The following LRCH3 variants were observed in gnomAD, a reference collection of about 807,000 sequenced individuals.
The protein encoded by LRCH3 is leucine rich repeats and calponin homology domain containing 3.
In LRCH3, 68 loss-of-function variants were observed where a neutral mutation model predicts 104.5. That is an observed-to-expected ratio of 0.65 (90% CI 0.54 to 0.80). The LOEUF (loss-of-function observed/expected upper bound fraction) is 0.80, where lower values mean the gene tolerates loss of function less well. Among genes scored for constraint, LRCH3 ranks in the 30% least tolerant of loss-of-function variants. The probability of loss-of-function intolerance (pLI) is 0.00; values close to 1 mark genes in which losing one functional copy is unlikely to be tolerated. For missense variants in LRCH3, 951 were observed against 953.9 expected (o/e 1.00, Z 0.04); for synonymous variants, 344 against 361.3 (o/e 0.95, Z 0.54).
At chr3:197,841,325 T>A (rs975090435) in intron 10 of LRCH3, among the ~76,000 whole-genome samples, 9 of 152,322 alleles carry the variant, frequency 5.9e-5, no homozygotes, top group African/African-American at 2.2e-4. Context: ...TCTTGGTGTT[T>A]AGAGCCCACT....
At chr3:197,823,450 A>G (rs957059975) in intron 4 of LRCH3, 1 of 150,860 alleles carries the variant, frequency 6.6e-6, no homozygotes, top group Admixed American at 6.6e-5. Flanking sequence ...CTGCACACCA[A>G]TTTCAATGGC....
intron 2 of LRCH3, 86 bp downstream of exon 2, chr3:197,815,138 A>C (rs1254317829): frequency 2.1e-5 from 16 of 765,250 alleles, no homozygotes; most frequent in Non-Finnish European, 3.2e-5. Context: ...TTACCTATAT[A>C]TATGCTATCT....
In LRCH3 at chr3:197,887,985, A is replaced by ATT. The variant is rs1714368839; in HGVS notation, c.*4320_*4321dup. ...GACCCATGGAAAGAGGGGCCTTTGTATTCTGCTAGAACACAGAGCATAGTA... is the reference window on the plus strand; with the variant it reads ...GACCCATGGAAAGAGGGGCCTTTGTATTTTCTGCTAGAACACAGAGCATAGTA... On this transcript the variant is annotated 3_prime_UTR_variant, in exon 21 of 21. Transcript: ENST00000425562. 6.6e-6 allele frequency: 1 copy of ATT among 152,430 alleles called. No homozygotes were observed. The highest frequency in any genetic ancestry group is 1.5e-5 in the Non-Finnish European group (1 of 68,068). 9.4% of individuals were successfully genotyped at this position (152,430 alleles called of 1,614,324 possible).
intron 1 of LRCH3, among the ~76,000 whole-genome samples, chr3:197,796,302 C>T (rs1228409122): frequency 6.6e-6 from 1 of 152,062 alleles, no homozygotes; most frequent in Non-Finnish European, 1.5e-5. Flanking sequence ...GCAATAATAG[C>T]ACAACTACTA....
rs773998276 is a variant in LRCH3, at chr3:197,835,755, G to A, written c.1184G>A (p.Gly395Glu). The change falls in exon 9 of 21, where the codon GGA becomes GAA. Residue 395 changes from glycine (G) to glutamate (E), a missense_variant. Gly to Glu is a moderately conservative substitution (Grantham distance 98). Coordinates refer to ENST00000425562, the MANE Select transcript of LRCH3 (RefSeq NM_001365715.1). ...EEEAEVRQPK[G>E]PDPDSLSSQF... Reference sequence around the variant, plus strand: ...GAGGCCGAGGTGAGACAGCCCAAGGGACCAGACCCAGACAGCCTTAGTTCA... The same window carrying A: ...GAGGCCGAGGTGAGACAGCCCAAGGAACCAGACCCAGACAGCCTTAGTTCA... 1 of 1,614,004 alleles carries A rather than the reference G, an allele frequency of 6.2e-7. No homozygotes were observed. The highest frequency in any genetic ancestry group is 2.2e-5 in the East Asian group (1 of 44,880).
intron 5 of LRCH3, 142 bp from the exon 6 acceptor site, chr3:197,829,418 AATTT>A (rs1164211477): frequency 8.5e-6 from 4 of 471,542 alleles, no homozygotes; most frequent in African/African-American, 7.9e-5. Flanking sequence ...CAAATAATAT[AATTT>A]ATTAGTTTTT....
At chr3:197,838,686 T>G (rs1341359627) in intron 9 of LRCH3, among the ~76,000 whole-genome samples, 4 of 152,254 alleles carry the variant, frequency 2.6e-5, no homozygotes, top group Non-Finnish European at 2.9e-5. Flanking sequence ...TTAATTTTCC[T>G]CAGTAATACT....
chr3:197,845,526 G>A (rs1390238262), intron 10 of LRCH3, among the ~76,000 whole-genome samples: 2 of 152,016 alleles, frequency 1.3e-5, no homozygotes, highest in Non-Finnish European at 2.9e-5. Context: ...CTTTTTCGGG[G>A]GAGGGTGCTA....
rs1481888297 is a variant in LRCH3, at chr3:197,880,706, C to T, written c.2209-2835C>T. The T allele has an allele frequency of 2.6e-6, 4 of 1,536,698 alleles. 1 individual carries two copies. In the South Asian group the frequency reaches 3.6e-5, roughly 14 times the overall value. ...GTGTGCTTTATTACTGGCTCTTCCC[C>T]GCTCGCTGAAAGATTGCACTCCGGT... On this transcript the variant is annotated intron_variant, in intron 20 of 20. Transcript: ENST00000425562.
chr3:197,833,621 G>GA (rs970397040), intron 8 of LRCH3, among the ~76,000 whole-genome samples: 3 of 151,890 alleles, frequency 2.0e-5, no homozygotes, highest in Non-Finnish European at 4.4e-5. Context: ...GACTTCCTTT[G>GA]AAAAAAAGCG....
At chr3:197,865,780 T>C (rs1220613606) in intron 16 of LRCH3, among the ~76,000 whole-genome samples, 7 of 151,988 alleles carry the variant, frequency 4.6e-5, no homozygotes, top group Non-Finnish European at 5.9e-5. Context: ...TTTTTTTTTT[T>C]TTCCCATTTT....
chr3:197,824,742 T>C (rs146761143), intron 4 of LRCH3, among the ~76,000 whole-genome samples: 6,866 of 151,290 alleles, frequency 0.045, 707 homozygotes, highest in African/African-American at 0.16. Flanking sequence ...TGGCTAACTT[T>C]TGTATTTTTA....
intron 12 of LRCH3, chr3:197,850,875 T>C (rs1425013310): frequency 1.7e-5 from 16 of 925,812 alleles, no homozygotes; most frequent in Admixed American, 1.7e-5. Context: ...ACGAGTGTTC[T>C]TAAAGTGAAC....
intron 1 of LRCH3, among the ~76,000 whole-genome samples, chr3:197,804,053 TTCGAGA>T (rs748692907): frequency 1.7e-3 from 260 of 152,152 alleles, no homozygotes; most frequent in South Asian, 2.7e-3. Flanking sequence ...AGGTCAGGAG[TTCGAGA>T]CCAGCCTGAC....
intron 1 of LRCH3, among the ~76,000 whole-genome samples, chr3:197,811,487 C>T (rs1169106985): frequency 1.3e-5 from 2 of 152,090 alleles, no homozygotes; most frequent in Admixed American, 6.5e-5. Context: ...AATGATGGTA[C>T]TGTACATGTG....
intron 12 of LRCH3, chr3:197,850,301 T>A: frequency 3.1e-6 from 2 of 643,898 alleles, no homozygotes; most frequent in Non-Finnish European, 5.3e-6. Flanking sequence ...AAGTACATTA[T>A]ATATATTTAC....
rs116521507 is a variant in LRCH3, at chr3:197,793,248, G to A, written c.262+1708G>A. Among the ~76,000 whole-genome samples, 282 of 152,318 alleles carry A rather than the reference G, an allele frequency of 1.9e-3. 1 individual carries two copies. The highest frequency in any genetic ancestry group is 6.5e-3 in the African/African-American group (269 of 41,586). ...AGCGATTCTTTCCAAAGAAACTTTT[G>A]CTGTAGTTTAAAATAGAAGAAATTA... On this transcript the variant is annotated intron_variant, in intron 1 of 20. Transcript: ENST00000425562.
intron 4 of LRCH3, among the ~76,000 whole-genome samples, chr3:197,822,639 A>T (rs529062220): frequency 6.6e-6 from 1 of 152,172 alleles, no homozygotes; most frequent in Non-Finnish European, 1.5e-5. Flanking sequence ...CTTTATTCCA[A>T]CAGCTACATT....
intron 10 of LRCH3, among the ~76,000 whole-genome samples, chr3:197,844,077 A>G (rs772102804): frequency 4.6e-5 from 7 of 151,786 alleles, no homozygotes; most frequent in Non-Finnish European, 1.0e-4. Context: ...AAGAGCAAAC[A>G]TTATGGATGT....
Sources: allele counts gnomAD v4.1 joint callset (sites outside exome capture counted in the v4.1 genomes callset), GRCh38; gene constraint gnomAD v4.1.1; transcripts MANE v1.5; gene names NCBI Gene and HGNC (gene_info 2026-07-23, HGNC 2026-07-21).